The following SEC61A1 variants were observed in gnomAD, a reference collection of about 807,000 sequenced individuals.
SEC61A1 encodes the protein protein transport protein Sec61 subunit alpha isoform 1.
SEC61A1 carries 15 observed loss-of-function variants against 55.2 expected under a neutral mutation model. The ratio of observed to expected loss-of-function variants is 0.27; its 90% CI spans 0.18 to 0.42. The LOEUF is 0.42. SEC61A1 is among the 10% of genes least tolerant of loss of function. The pLI is 1.00. For missense variants in SEC61A1, 284 were observed against 602.6 expected (o/e 0.47, Z 5.53); for synonymous variants, 247 against 234.0 (o/e 1.06, Z -0.51).
chr3:128,055,668 C>G lies in SEC61A1; in HGVS notation c.142-5C>G. On this transcript the variant is annotated splice_region_variant and splice_polypyrimidine_tract_variant and intron_variant, in intron 3 of 11. Coordinates refer to ENST00000243253, the MANE Select transcript of SEC61A1 (RefSeq NM_013336.4). The stretch of plus-strand genomic sequence containing the variant: ...CTGACTGTTTTGCTCTTTGCCTGTT[C>G]CCAGATTCCCCTGTTTGGGATCATG... 1.2e-6 allele frequency: 2 copies of G among 1,613,812 alleles called. No homozygotes were observed. The highest frequency in any genetic ancestry group is 8.5e-7 in the Non-Finnish European group (1 of 1,179,764).
chr3:128,059,955 C>T (rs1941829664), intron 5 of SEC61A1, 147 bp from the exon 6 acceptor site: 3 of 606,664 alleles, frequency 4.9e-6, no homozygotes, highest in East Asian at 5.5e-5. Flanking sequence ...TGGTTTAGCG[C>T]GTTCTCAGCC....
chr3:128,066,048 A>G (rs1158604522), intron 8 of SEC61A1, among the ~76,000 whole-genome samples: 1 of 151,688 alleles, frequency 6.6e-6, no homozygotes, highest in Non-Finnish European at 1.5e-5. Context: ...GGCCTTAAGT[A>G]TTTAATTTTT....
chr3:128,062,331 G>T lies in SEC61A1; in HGVS notation c.616+1670G>T, dbSNP rs377635822. The stretch of plus-strand genomic sequence containing the variant: ...GCACAGCTGGGACGGCAGCTTTGCA[G>T]CTGTGCCTGGAGATGTTGCAGCTTG... On this transcript the variant is annotated intron_variant, in intron 7 of 11. Coordinates refer to ENST00000243253, the MANE Select transcript of SEC61A1 (RefSeq NM_013336.4). Among the ~76,000 whole-genome samples the T allele has an allele frequency of 2.0e-4, 30 of 152,374 alleles. No homozygotes were observed. In the South Asian group the frequency reaches 6.0e-3, roughly 30 times the overall value.
At chr3:128,051,791 C>T, upstream of SEC61A1, 4 of 1,531,680 alleles carry the variant, frequency 2.6e-6, no homozygotes, top group Non-Finnish European at 3.5e-6. Context: ...CGAGCTGCCC[C>T]GGCCCTTCTC....
At chr3:128,064,695 G>C (rs1298316197) in intron 7 of SEC61A1, 182 bp from the exon 8 acceptor site, 9 of 593,698 alleles carry the variant, frequency 1.5e-5, no homozygotes, top group Non-Finnish European at 2.0e-5. Context: ...TCTGTAGTTT[G>C]AATTCTCTAC....
At position 128,062,401 on chromosome 3, in the gene SEC61A1, A is replaced by C. The variant is rs527958572; in HGVS notation, c.616+1740A>C. 3.9e-5 allele frequency among the ~76,000 whole-genome samples: 6 copies of C among 152,334 alleles called. No individual in the cohort carries two copies. In the South Asian group the frequency reaches 1.2e-3, roughly 32 times the overall value. ...GTTGAATGAGATTCTACAGGCAGAGACAGTAATCACTGCTGCTTCCCTGGG... is the reference window on the plus strand; with the variant it reads ...GTTGAATGAGATTCTACAGGCAGAGCCAGTAATCACTGCTGCTTCCCTGGG... On this transcript the variant is annotated intron_variant, in intron 7 of 11. Transcript: ENST00000243253.
intron 4 of SEC61A1, among the ~76,000 whole-genome samples, chr3:128,056,146 A>G (rs2107641910): frequency 6.6e-6 from 1 of 152,372 alleles, no homozygotes; most frequent in African/African-American, 2.4e-5. Context: ...GTCAAAAAAT[A>G]TGTAACAGTG....
chr3:128,071,636 TGA>T lies in SEC61A1; in HGVS notation c.*1977_*1978del, dbSNP rs1163251687. The T allele has an allele frequency of 6.6e-6, 1 of 152,638 alleles. No individual in the cohort carries two copies. Among genetic ancestry groups the T allele is most frequent in the Non-Finnish European group, 1.5e-5 (1 of 68,034 alleles). 9.5% of individuals were successfully genotyped at this position (152,638 alleles called of 1,614,324 possible). ...ACTGTGGACGCCAAAATGGCATAAC[TGA>T]GATAAGGTGAATAAGTGACAAATAA... On this transcript the variant is annotated 3_prime_UTR_variant, in exon 12 of 12. Transcript: ENST00000243253.
rs1942021754 is a variant in SEC61A1, at chr3:128,067,629, C to CT, written c.1167+20dup. The CT allele has an allele frequency of 6.3e-7, 1 of 1,592,382 alleles. No homozygotes were observed. Among genetic ancestry groups the CT allele is most frequent in the Non-Finnish European group, 8.6e-7 (1 of 1,165,740 alleles). Reference sequence around the variant, plus strand: ...GCCAAAGATGTAAGTAGAAGCAAAACTTTCTGGAAGGGTGATGAAAGTGTG... The same window carrying CT: ...GCCAAAGATGTAAGTAGAAGCAAAACTTTTCTGGAAGGGTGATGAAAGTGTG... On this transcript the variant is annotated intron_variant, in intron 10 of 11. Transcript: ENST00000243253. The surrounding 1 kb of genome is among the most constrained non-coding windows in gnomAD (Gnocchi z 4.1).
In SEC61A1 at chr3:128,067,001, G is replaced by A. The variant is rs765370914; in HGVS notation, c.825G>A (p.Gln275=). ...LPIKSARYRG[Q]YNTYPIKLFY... ...TCAAGTCGGCCCGCTACCGTGGCCA[G>A]TACAACACCTATCCCATCAAGCTCT... The change falls in exon 9 of 12, where the codon CAG becomes CAA. Residue 275 remains glutamine (Q), a synonymous_variant. Transcript: ENST00000243253. The surrounding 1 kb of genome is among the most constrained non-coding windows in gnomAD (Gnocchi z 4.1). 58 of 1,614,110 alleles carry A rather than the reference G, an allele frequency of 3.6e-5. No homozygotes were observed. Among genetic ancestry groups the A allele is most frequent in the Non-Finnish European group, 4.8e-5 (57 of 1,180,048 alleles).
intron 7 of SEC61A1, among the ~76,000 whole-genome samples, chr3:128,063,842 G>C (rs551497741): frequency 1.3e-5 from 2 of 152,236 alleles, no homozygotes; most frequent in Admixed American, 1.3e-4. Context: ...GTTTTTTAAC[G>C]TAAGTAAATT....
upstream of SEC61A1, chr3:128,052,398 C>G (rs571322395): frequency 8.2e-7 from 1 of 1,214,166 alleles, no homozygotes; most frequent in African/African-American, 1.6e-5. Context: ...CCGGCCCCGC[C>G]CCGCGCCGCG....
chr3:128,052,154 C>G (rs1941685818), upstream of SEC61A1, among the ~76,000 whole-genome samples: 1 of 152,142 alleles, frequency 6.6e-6, no homozygotes. Context: ...GGCCGCACAG[C>G]CCCAGTCTCG....
intron 5 of SEC61A1, among the ~76,000 whole-genome samples, chr3:128,057,041 A>G (rs879391006): frequency 1.2e-4 from 19 of 152,008 alleles, no homozygotes; most frequent in South Asian, 4.1e-4. Context: ...GGTTCAAGCA[A>G]TTCTGCCTCA....
chr3:128,068,119 T>C, intron 11 of SEC61A1, 60 bp downstream of exon 11: 1 of 1,367,628 alleles, frequency 7.3e-7, no homozygotes. Context: ...TTTCTTTCCA[T>C]GCAGGGCATC....
Position 128,067,128 on chromosome 3 carries a change from G to A in SEC61A1, c.952G>A (p.Val318Ile). Residue 318 changes from valine to isoleucine, a missense_variant, in exon 9 of 12, where the codon GTC becomes ATC. Val to Ile is a conservative substitution (Grantham distance 29). Coordinates refer to ENST00000243253, the MANE Select transcript of SEC61A1 (RefSeq NM_013336.4). The surrounding 1 kb of genome is among the most constrained non-coding windows in gnomAD (Gnocchi z 4.1). ...LSARFSGNLLVSLLGTWSDTS... is the reference protein window; with the variant it reads ...LSARFSGNLLISLLGTWSDTS... The stretch of plus-strand genomic sequence containing the variant: ...AGCTCGCTTCAGTGGCAACTTGCTG[G>A]TCAGCCTGCTGGGCACCTGGTCGGT... The A allele has an allele frequency of 6.2e-7, 1 of 1,614,198 alleles. No individual in the cohort carries two copies. The highest frequency in any genetic ancestry group is 8.5e-7 in the Non-Finnish European group (1 of 1,180,042).
At chr3:128,060,283 C>G in intron 6 of SEC61A1, 72 bp downstream of exon 6, 1 of 1,214,646 alleles carries the variant, frequency 8.2e-7, no homozygotes, top group African/African-American at 1.5e-5. Context: ...TAACGAATCT[C>G]AAGCACACCT....
chr3:128,051,751 C>T (rs1941676120), upstream of SEC61A1: 17 of 1,497,098 alleles, frequency 1.1e-5, 1 homozygote, highest in South Asian at 1.9e-4. Flanking sequence ...GGAGGCCTTC[C>T]TGAATTCTTC....
intron 1 of SEC61A1, 104 bp from the exon 2 acceptor site, chr3:128,052,731 C>T (rs958508649): frequency 1.3e-6 from 2 of 1,492,946 alleles, no homozygotes; most frequent in Non-Finnish European, 1.8e-6. Context: ...GCCGGCTCCC[C>T]TGGCCCCTGC....
Sources: gnomAD v4.1 joint callset for allele counts (sites outside exome capture counted in the v4.1 genomes callset) on GRCh38, gnomAD v4.1.1 for gene constraint, Gnocchi (gnomAD v3.1) non-coding constraint, MANE v1.5 for transcripts, NCBI Gene and HGNC (gene_info 2026-07-23, HGNC 2026-07-21) for gene names.